Variants in ADAM12 observed in about 807,000 individuals in gnomAD.
ADAM12 encodes the protein disintegrin and metalloproteinase domain-containing protein 12.
ADAM12 carries 70 observed loss-of-function variants against 106.4 expected under a neutral mutation model. The ratio of observed to expected loss-of-function variants is 0.66; its 90% CI spans 0.54 to 0.80. The LOEUF (loss-of-function observed/expected upper bound fraction) is 0.80. Among genes scored for constraint, ADAM12 ranks in the 30% least tolerant of loss-of-function variants. The pLI is 0.00. For missense variants in ADAM12, 1,010 were observed against 1,171.9 expected (o/e 0.86, Z 2.02); for synonymous variants, 420 against 433.5 (o/e 0.97, Z 0.39).
intron 11 of ADAM12, among the ~76,000 whole-genome samples, chr10:126,083,799 C>T (rs1264164831): frequency 6.6e-6 from 1 of 152,238 alleles, no homozygotes; most frequent in African/African-American, 2.4e-5. Context: ...AGTCAGCCCA[C>T]TCTGCCTGCC....
At chr10:126,148,244 G>A (rs1956665417) in intron 4 of ADAM12, among the ~76,000 whole-genome samples, 1 of 152,150 alleles carries the variant, frequency 6.6e-6, no homozygotes, top group South Asian at 2.1e-4. Context: ...ATACACTATA[G>A]CCAACAAAAA....
At chr10:126,143,579 T>TTG in intron 4 of ADAM12, among the ~76,000 whole-genome samples, 1 of 107,600 alleles carries the variant, frequency 9.3e-6, no homozygotes, top group African/African-American at 5.2e-5. Flanking sequence ...ATGTGTATAT[T>TTG]TGTGTGTGTA....
chr10:126,166,089 G>A (rs932120805), intron 3 of ADAM12, among the ~76,000 whole-genome samples: 22 of 152,180 alleles, frequency 1.4e-4, no homozygotes, highest in Admixed American at 9.2e-4. Flanking sequence ...AGCTGTAGGG[G>A]ACAACAAAGT....
intron 3 of ADAM12, among the ~76,000 whole-genome samples, chr10:126,268,483 A>G (rs1161430770): frequency 6.6e-6 from 1 of 152,200 alleles, no homozygotes; most frequent in African/African-American, 2.4e-5. Context: ...CAGCTTTGTA[A>G]TGATGATGCT....
At chr10:126,224,286 C>T (rs997896608) in intron 3 of ADAM12, among the ~76,000 whole-genome samples, 2 of 152,164 alleles carry the variant, frequency 1.3e-5, no homozygotes, top group Non-Finnish European at 2.9e-5. Flanking sequence ...AGGCTCCAAG[C>T]TGGGGCCATG....
At chr10:126,192,722 G>C (rs1957525854) in intron 3 of ADAM12, among the ~76,000 whole-genome samples, 1 of 152,196 alleles carries the variant, frequency 6.6e-6, no homozygotes, top group African/African-American at 2.4e-5. Flanking sequence ...CTTCTGAAGT[G>C]GTTAAAGAAT....
intron 1 of ADAM12, among the ~76,000 whole-genome samples, chr10:126,340,823 T>C (rs1476124874): frequency 6.6e-6 from 1 of 151,204 alleles, no homozygotes; most frequent in Non-Finnish European, 1.5e-5. Context: ...GTTCAAGCAA[T>C]TCTCTGCCTC....
chr10:126,386,996 G>A (rs532162276), intron 1 of ADAM12, among the ~76,000 whole-genome samples: 4 of 152,360 alleles, frequency 2.6e-5, no homozygotes, highest in South Asian at 4.1e-4. Context: ...CCACATTACA[G>A]TAGACGCGGT....
At chr10:126,098,798 C>T (rs1955605176) in intron 9 of ADAM12, among the ~76,000 whole-genome samples, 1 of 152,194 alleles carries the variant, frequency 6.6e-6, no homozygotes, top group South Asian at 2.1e-4. Context: ...GAAGCTGCTC[C>T]ATTTAAACAA....
chr10:126,099,130 A>G (rs1462796499), intron 9 of ADAM12, among the ~76,000 whole-genome samples: 2 of 152,200 alleles, frequency 1.3e-5, no homozygotes, highest in Non-Finnish European at 2.9e-5. Context: ...TCTTAACCTG[A>G]TCATGAATCT....
At position 126,014,541 on chromosome 10, in the gene ADAM12, A is replaced by G. The variant is rs1044169; in HGVS notation, c.*2738T>C. ...AAGCTGGAAAAATCCACGCTGTGAA[A>G]TGTAACCTCCTGTGTGTATTTCCAC... On this transcript the variant is annotated 3_prime_UTR_variant, in exon 23 of 23. Coordinates refer to ENST00000448723, the MANE Select transcript of ADAM12 (RefSeq NM_001288973.2). The G allele has an allele frequency of 0.69, 103,957 of 151,652 alleles. 35,965 individuals are homozygous for G. Among genetic ancestry groups the G allele is most frequent in the East Asian group, 0.77 (3,957 of 5,148 alleles). 9.4% of individuals were successfully genotyped at this position (151,652 alleles called of 1,614,324 possible). A position where few individuals can be genotyped will look rare whatever the true frequency, so the allele number is the denominator to read the frequency against.
intron 2 of ADAM12, among the ~76,000 whole-genome samples, chr10:126,313,357 G>C (rs1199024176): frequency 6.6e-6 from 1 of 152,192 alleles, no homozygotes; most frequent in African/African-American, 2.4e-5. Context: ...TGGTGACCCA[G>C]ACCAACCCTG....
chr10:126,378,965 A>G (rs1293942011), intron 1 of ADAM12, among the ~76,000 whole-genome samples: 1 of 152,226 alleles, frequency 6.6e-6, no homozygotes, highest in Non-Finnish European at 1.5e-5. Flanking sequence ...TAGGCGGACA[A>G]CAGCTGCATT....
intron 3 of ADAM12, among the ~76,000 whole-genome samples, chr10:126,215,426 G>T (rs1038500592): frequency 6.6e-6 from 1 of 152,136 alleles, no homozygotes; most frequent in African/African-American, 2.4e-5. Context: ...ACAGGACAGG[G>T]CCTTCCCCTT....
intron 2 of ADAM12, among the ~76,000 whole-genome samples, chr10:126,314,251 A>G (rs987786310): frequency 4.6e-5 from 7 of 152,196 alleles, no homozygotes; most frequent in Admixed American, 4.6e-4. Context: ...AAGTCCCACA[A>G]CCATGGGAAA....
intron 2 of ADAM12, among the ~76,000 whole-genome samples, chr10:126,303,437 T>A (rs569102754): frequency 7.2e-4 from 109 of 152,292 alleles, no homozygotes; most frequent in African/African-American, 2.5e-3. Flanking sequence ...GAAAGAGTAA[T>A]GTAATAGCCT....
At position 126,388,152 on chromosome 10, in the gene ADAM12, C is replaced by T. The variant is rs376092304; in HGVS notation, c.-7G>A. On this transcript the variant is annotated 5_prime_UTR_variant, in exon 1 of 23. Coordinates refer to ENST00000448723, the MANE Select transcript of ADAM12 (RefSeq NM_001288973.2). This position sits in a 1 kb window ranked among gnomAD's most constrained non-coding sequence, Gnocchi z 4.4. Reference sequence around the variant, plus strand: ...GCAGCGGGCGCGCTGCCATCGTCGCCGGCCTTCAGTGCAGCAGCTCTCGGG... The same window carrying T: ...GCAGCGGGCGCGCTGCCATCGTCGCTGGCCTTCAGTGCAGCAGCTCTCGGG... The T allele has an allele frequency of 1.7e-6, 2 of 1,210,458 alleles. No homozygotes were observed. The highest frequency in any genetic ancestry group is 2.1e-6 in the Non-Finnish European group (2 of 974,234). 75.0% of individuals were successfully genotyped at this position (1,210,458 alleles called of 1,614,324 possible).
At chr10:126,061,737 G>A (rs994217819) in intron 14 of ADAM12, among the ~76,000 whole-genome samples, 7 of 152,188 alleles carry the variant, frequency 4.6e-5, no homozygotes, top group African/African-American at 1.7e-4. Context: ...AATGCAAGTG[G>A]CCTCTAAAAG....
chr10:126,150,546 A>G (rs1453499850), intron 4 of ADAM12, among the ~76,000 whole-genome samples: 1 of 152,040 alleles, frequency 6.6e-6, no homozygotes, highest in Non-Finnish European at 1.5e-5. Flanking sequence ...GTGGAAGGGA[A>G]AGTCCCACTG....
Sources: allele counts gnomAD v4.1 joint callset (sites outside exome capture counted in the v4.1 genomes callset), GRCh38; gene constraint gnomAD v4.1.1; non-coding constraint Gnocchi (gnomAD v3.1); transcripts MANE v1.5; gene names NCBI Gene and HGNC (gene_info 2026-07-23, HGNC 2026-07-21).